FBN1: variants seen among roughly 807,000 people sequenced by gnomAD.
The protein encoded by FBN1 is fibrillin-1.
In FBN1, 29 loss-of-function variants were observed where a neutral mutation model predicts 365.1. That is an observed-to-expected ratio of 0.08 (90% CI 0.06 to 0.11). FBN1 has a LOEUF of 0.11. Ranked by LOEUF, FBN1 falls within the 10% of genes least tolerant of loss-of-function variation. The pLI, the probability that FBN1 is intolerant of heterozygous loss-of-function variation, is 1.00. For missense variants in FBN1, 2,476 were observed against 3,703.2 expected, an observed-to-expected ratio of 0.67 and a Z score of 8.60; for synonymous variants, 1,210 against 1,270.5, an observed-to-expected ratio of 0.95 and a Z score of 1.01.
chr15:48,427,499 T>C, intron 58 of FBN1, 68 bp downstream of exon 58: 1 of 1,514,438 alleles, frequency 6.6e-7, no homozygotes, highest in Non-Finnish European at 9.1e-7. Flanking sequence ...CATATTTTCA[T>C]CTGTGTTTCA....
rs1481391360 is a variant in FBN1, at chr15:48,489,903, T to C, written c.3030A>G (p.Arg1010=). The C allele has an allele frequency of 1.2e-6, 2 of 1,614,076 alleles. No homozygotes were observed. The highest frequency in any genetic ancestry group is 1.3e-5 in the African/African-American group (1 of 74,916). The part of the protein sequence containing the change: ...NTPEYEELCP[R]GPGFATKEIT... ...TTTCTTTTGTGGCAAATCCGGGTCC[T>C]CTCGGACACAGCTCCTCGTACTCAG... The change falls in exon 25 of 66, where the codon AGA becomes AGG. Residue 1010 remains arginine, a synonymous_variant. Coordinates refer to ENST00000316623, the MANE Select transcript of FBN1 (RefSeq NM_000138.5).
chr15:48,558,000 C>T (rs918849386), intron 6 of FBN1, among the ~76,000 whole-genome samples: 3 of 152,180 alleles, frequency 2.0e-5, no homozygotes, highest in Non-Finnish European at 4.4e-5. Context: ...CTCCCATTCA[C>T]ATGTGGTTTC....
chr15:48,494,151 C>A, intron 23 of FBN1, 53 bp downstream of exon 23: 1 of 1,424,582 alleles, frequency 7.0e-7, no homozygotes, highest in Non-Finnish European at 9.9e-7. Context: ...CGAGTTAACA[C>A]AAACATTCAT....
intron 6 of FBN1, among the ~76,000 whole-genome samples, chr15:48,548,010 C>T (rs1014876705): frequency 2.6e-5 from 4 of 152,194 alleles, no homozygotes. Flanking sequence ...GAGGCAGCAG[C>T]ACCAAAACCC....
In FBN1 at chr15:48,515,531, GA is replaced by G; in HGVS notation, c.1328-5del. On this transcript the variant is annotated splice_region_variant and splice_polypyrimidine_tract_variant and intron_variant, in intron 11 of 65. Coordinates refer to ENST00000316623, the MANE Select transcript of FBN1 (RefSeq NM_000138.5). ...GTAACGTTTACTGGCAGCACCCCTAGAAGAACATTAAGCCCCATTAAAATTA... is the reference window on the plus strand; with the variant it reads ...GTAACGTTTACTGGCAGCACCCCTAGAGAACATTAAGCCCCATTAAAATTA... 1.2e-6 allele frequency: 2 copies of G among 1,613,834 alleles called. No individual in the cohort carries two copies. Among genetic ancestry groups the G allele is most frequent in the African/African-American group, 1.3e-5 (1 of 75,000 alleles).
chr15:48,515,494 T>A lies in FBN1; in HGVS notation c.1361A>T (p.Gln454Leu), dbSNP rs2043793504. 1 of 1,613,908 alleles carries A rather than the reference T, an allele frequency of 6.2e-7. No homozygotes were observed. The highest frequency in any genetic ancestry group is 8.5e-7 in the Non-Finnish European group (1 of 1,179,916). The change falls in exon 12 of 66, where the codon CAG becomes CTG. Residue 454 changes from glutamine (Q) to leucine (L), a missense_variant. By Grantham distance (113) the Gln-to-Leu change is moderately radical. Coordinates refer to ENST00000316623, the MANE Select transcript of FBN1 (RefSeq NM_000138.5). Reference protein sequence around the residue: ...VLPVNVTDYCQLVRYLCQNGR... With the variant: ...VLPVNVTDYCLLVRYLCQNGR... ...ATTTTGACAGAGATAGCGGACCAAC[T>A]GGCAGTAATCAGTAACGTTTACTGG...
chr15:48,635,047 T>C (rs1350887238), intron 2 of FBN1, among the ~76,000 whole-genome samples: 1 of 152,276 alleles, frequency 6.6e-6, no homozygotes, highest in African/African-American at 2.4e-5. Flanking sequence ...CATCATAAAA[T>C]GGTTGTACTA....
intron 15 of FBN1, among the ~76,000 whole-genome samples, chr15:48,507,774 A>G (rs1223422788): frequency 2.0e-5 from 3 of 152,174 alleles, no homozygotes; most frequent in Non-Finnish European, 2.9e-5. Flanking sequence ...GCAGCATTTT[A>G]GCAGATTTTC....
At chr15:48,563,244 G>A (rs905322946) in intron 6 of FBN1, among the ~76,000 whole-genome samples, 1 of 152,160 alleles carries the variant, frequency 6.6e-6, no homozygotes, top group Non-Finnish European at 1.5e-5. Flanking sequence ...AAGCTAACTT[G>A]AGAGAGAGAA....
Position 48,420,502 on chromosome 15 carries a change from AT to A in FBN1, c.7819+184del, listed in dbSNP as rs3214528. On this transcript the variant is annotated intron_variant, in intron 63 of 65. Coordinates refer to ENST00000316623, the MANE Select transcript of FBN1 (RefSeq NM_000138.5). ...TGCTCTCAAAGCACCCTCAATTATA[AT>A]TTTTTTTCTTAGTTTGCTGTTTTGC... 0.58 allele frequency among the ~76,000 whole-genome samples: 88,400 copies of A among 151,844 alleles called. 27,450 individuals carry two copies. The highest frequency in any genetic ancestry group is 0.72 in the Middle Eastern group (213 of 294).
chr15:48,495,281 T>C (rs374490213), intron 21 of FBN1, 21 bp from the exon 22 acceptor site: 1 of 1,612,662 alleles, frequency 6.2e-7, no homozygotes, highest in African/African-American at 1.3e-5. Flanking sequence ...GGGAATAATA[T>C]TTAATAGAAT....
Position 48,510,149 on chromosome 15 carries a change from T to G in FBN1, c.1609A>C (p.Asn537His). The change falls in exon 14 of 66, where the codon AAT becomes CAT. Residue 537 changes from asparagine (N) to histidine (H), a missense_variant. Asn to His is a moderately conservative substitution (Grantham distance 68). Coordinates refer to ENST00000316623, the MANE Select transcript of FBN1 (RefSeq NM_000138.5). The part of the protein sequence containing the change: ...ECRDIDECLQ[N>H]GRICNNGRCI... ...CGTCCATTATTGCAGATCCGGCCATTCTGTAAACACTCATCAATGTCTAAA... is the reference window on the plus strand; with the variant it reads ...CGTCCATTATTGCAGATCCGGCCATGCTGTAAACACTCATCAATGTCTAAA... The G allele has an allele frequency of 6.2e-7, 1 of 1,613,408 alleles. No individual in the cohort carries two copies. Among genetic ancestry groups the G allele is most frequent in the East Asian group, 2.2e-5 (1 of 44,840 alleles).
intron 2 of FBN1, among the ~76,000 whole-genome samples, chr15:48,630,114 T>TC (rs1196248046): frequency 1.3e-5 from 2 of 152,224 alleles, no homozygotes. Context: ...AACATGTCGG[T>TC]CCAGGGGATG....
chr15:48,495,027 T>C, intron 22 of FBN1, 96 bp downstream of exon 22: 1 of 1,465,346 alleles, frequency 6.8e-7, no homozygotes, highest in South Asian at 1.2e-5. Flanking sequence ...CTTTGAAAAT[T>C]CTCATGTGAG....
At chr15:48,630,343 A>C (rs1249711564) in intron 2 of FBN1, among the ~76,000 whole-genome samples, 1 of 152,200 alleles carries the variant, frequency 6.6e-6, no homozygotes, top group Non-Finnish European at 1.5e-5. Flanking sequence ...TGGAGGGAGG[A>C]AATCATTTAG....
rs112979294 is a variant in FBN1 at position 48,630,945 on chromosome 15, C to T, written c.164+13661G>A. On this transcript the variant is annotated intron_variant, in intron 2 of 65. Transcript: ENST00000316623. Reference sequence around the variant, plus strand: ...ATCGTTCCTTATTTAAAACACTCTACTCTTATTTTTATAGGCTGTGAATGA... The same window carrying T: ...ATCGTTCCTTATTTAAAACACTCTATTCTTATTTTTATAGGCTGTGAATGA... 4.6e-5 allele frequency among the ~76,000 whole-genome samples: 7 copies of T among 152,240 alleles called. 2 individuals are homozygous for T. Among genetic ancestry groups the T allele is most frequent in the African/African-American group, 1.7e-4 (7 of 41,560 alleles).
intron 38 of FBN1, among the ~76,000 whole-genome samples, chr15:48,467,240 A>C (rs2043330598): frequency 6.6e-6 from 1 of 152,204 alleles, no homozygotes; most frequent in Non-Finnish European, 1.5e-5. Context: ...ATCTAGTCTA[A>C]TTCATCTTTG....
intron 6 of FBN1, among the ~76,000 whole-genome samples, chr15:48,546,749 T>C (rs780263276): frequency 7.2e-5 from 11 of 151,922 alleles, no homozygotes; most frequent in Admixed American, 1.3e-4. Context: ...ACTGAAGGAT[T>C]TGAGGTGAAA....
At chr15:48,503,682 A>T in intron 17 of FBN1, 105 bp downstream of exon 17, 1 of 1,488,074 alleles carries the variant, frequency 6.7e-7, no homozygotes, top group South Asian at 1.1e-5. Flanking sequence ...CACATGGCGT[A>T]CCTGGAGAGC....
Sources: allele counts gnomAD v4.1 joint callset (sites outside exome capture counted in the v4.1 genomes callset), GRCh38; gene constraint gnomAD v4.1.1; transcripts MANE v1.5; gene names NCBI Gene and HGNC (gene_info 2026-07-23, HGNC 2026-07-21).